Variants in VWA3B observed in about 807,000 individuals in gnomAD.
VWA3B encodes the protein von Willebrand factor A domain-containing protein 3B.
In VWA3B, 138 loss-of-function variants were observed where a neutral mutation model predicts 158.3. That is an observed-to-expected ratio of 0.87 (90% CI 0.76 to 1.00). The LOEUF is 1.00. Ranked by LOEUF, VWA3B falls within the 50% of genes least tolerant of loss-of-function variation. VWA3B has a pLI of 0.00. For missense variants in VWA3B, 1,555 were observed against 1,565.1 expected (o/e 0.99, Z 0.11); for synonymous variants, 596 against 587.3 (o/e 1.01, Z -0.21).
intron 19 of VWA3B, among the ~76,000 whole-genome samples, chr2:98,240,228 T>C (rs544016503): frequency 6.6e-6 from 1 of 152,170 alleles, no homozygotes; most frequent in African/African-American, 2.4e-5. Flanking sequence ...TTAATAAACA[T>C]GAATAAGACA....
chr2:98,326,010 A>C, the VWA3B span, among the ~76,000 whole-genome samples: 1 of 152,260 alleles, frequency 6.6e-6, no homozygotes, highest in Admixed American at 6.5e-5. Flanking sequence ...AGTGAAATTA[A>C]ATGAAAAGCC....
At chr2:98,288,536 A>G (rs1284384765) in intron 22 of VWA3B, among the ~76,000 whole-genome samples, 1 of 152,226 alleles carries the variant, frequency 6.6e-6, no homozygotes, top group African/African-American at 2.4e-5. Context: ...ATTCATTCAT[A>G]TAGAAAATAA....
At chr2:98,229,529 C>T (rs143256666) in intron 15 of VWA3B, among the ~76,000 whole-genome samples, 3 of 152,342 alleles carry the variant, frequency 2.0e-5, no homozygotes, top group African/African-American at 7.2e-5. Flanking sequence ...TGGGATCGCT[C>T]CATTCTCCAG....
At chr2:98,322,110 AT>A in the VWA3B span, among the ~76,000 whole-genome samples, 3 of 152,316 alleles carry the variant, frequency 2.0e-5, no homozygotes, top group South Asian at 6.2e-4. Context: ...CTCCCCAGCC[AT>A]GTGGAACTGT....
chr2:98,322,763 C>T, the VWA3B span, among the ~76,000 whole-genome samples: 1 of 152,070 alleles, frequency 6.6e-6, no homozygotes, highest in Admixed American at 6.5e-5. Flanking sequence ...AAGAGTGAGC[C>T]CTCAAAGCTG....
intron 7 of VWA3B, among the ~76,000 whole-genome samples, chr2:98,153,461 T>C (rs1677802620): frequency 6.6e-6 from 1 of 152,176 alleles, no homozygotes; most frequent in Non-Finnish European, 1.5e-5. Context: ...GAACTAAGAC[T>C]AAATATTATG....
chr2:98,143,020 A>T (rs1039410312), intron 7 of VWA3B, among the ~76,000 whole-genome samples: 1 of 152,194 alleles, frequency 6.6e-6, no homozygotes, highest in African/African-American at 2.4e-5. Flanking sequence ...TAATACGTAT[A>T]TGTTGAGTTA....
intron 22 of VWA3B, among the ~76,000 whole-genome samples, chr2:98,280,391 A>G (rs1357535479): frequency 6.6e-6 from 1 of 152,256 alleles, no homozygotes; most frequent in Non-Finnish European, 1.5e-5. Flanking sequence ...TATTTTCAGC[A>G]AAGCTTTGAG....
Position 98,270,720 on chromosome 2 carries a change from A to T in VWA3B, c.2882A>T (p.Lys961Ile). 6.2e-7 allele frequency: 1 copy of T among 1,614,130 alleles called. No homozygotes were observed. Residue 961 changes from lysine (K) to isoleucine (I), a missense_variant, in exon 22 of 28, where the codon AAA becomes ATA. Physicochemically the swap from Lys to Ile is moderately radical, Grantham distance 102 (BLOSUM62 -3). Coordinates refer to ENST00000477737, the MANE Select transcript of VWA3B (RefSeq NM_144992.5). ...AAACCAATACAGTACTTGGAAAACAAAACAGTTTTAAACCAGGCTTTAGAA... is the reference window on the plus strand; with the variant it reads ...AAACCAATACAGTACTTGGAAAACATAACAGTTTTAAACCAGGCTTTAGAA... Reference protein sequence around the residue: ...ANKPIQYLENKTVLNQALERL... With the variant: ...ANKPIQYLENITVLNQALERL...
At chr2:98,110,038 T>C (rs1674020584) in intron 2 of VWA3B, among the ~76,000 whole-genome samples, 1 of 152,154 alleles carries the variant, frequency 6.6e-6, no homozygotes, top group African/African-American at 2.4e-5. Flanking sequence ...TTTTTTGTTT[T>C]TGCCAAATTT....
At chr2:98,233,085 G>A (rs543816867) in intron 16 of VWA3B, among the ~76,000 whole-genome samples, 68 of 152,328 alleles carry the variant, frequency 4.5e-4, no homozygotes, top group Non-Finnish European at 8.5e-4. Flanking sequence ...CCACTTGTGT[G>A]GCTGCATCCC....
At chr2:98,155,461 C>G (rs1677984986) in intron 7 of VWA3B, among the ~76,000 whole-genome samples, 1 of 152,170 alleles carries the variant, frequency 6.6e-6, no homozygotes, top group African/African-American at 2.4e-5. Context: ...TGAATCCTGA[C>G]CTCACCACTT....
intron 20 of VWA3B, among the ~76,000 whole-genome samples, chr2:98,251,851 G>T (rs1360385666): frequency 6.6e-6 from 1 of 152,148 alleles, no homozygotes; most frequent in Non-Finnish European, 1.5e-5. Flanking sequence ...TCACCCGAGA[G>T]TGGAGGCCGC....
At chr2:98,259,456 T>C (rs1185103459) in intron 21 of VWA3B, among the ~76,000 whole-genome samples, 2 of 151,784 alleles carry the variant, frequency 1.3e-5, no homozygotes, top group African/African-American at 4.8e-5. Flanking sequence ...GTTTATCTAT[T>C]TCTTCTTGAG....
chr2:98,144,635 C>T (rs559526409), intron 7 of VWA3B, among the ~76,000 whole-genome samples: 150 of 151,204 alleles, frequency 9.9e-4, no homozygotes, highest in African/African-American at 3.2e-3. Flanking sequence ...GGTGTGATCT[C>T]GACTCACTGC....
intron 7 of VWA3B, among the ~76,000 whole-genome samples, chr2:98,147,009 G>C (rs559844482): frequency 2.0e-5 from 3 of 152,254 alleles, no homozygotes; most frequent in South Asian, 4.2e-4. Flanking sequence ...AAATAAAATT[G>C]ATAAAGTATC....
chr2:98,187,949 G>T, intron 9 of VWA3B, 26 bp from the exon 10 acceptor site: 3 of 1,571,316 alleles, frequency 1.9e-6, no homozygotes, highest in Non-Finnish European at 2.6e-6. Flanking sequence ...TTTCTGAGTG[G>T]CTTCTGTCCT....
At chr2:98,234,862 TA>T (rs1685574258) in intron 17 of VWA3B, 95 bp downstream of exon 17, 2 of 1,529,930 alleles carry the variant, frequency 1.3e-6, no homozygotes, top group Non-Finnish European at 1.8e-6. Flanking sequence ...GGGGAAATCA[TA>T]TTTTAAATGG....
At chr2:98,199,347 G>T (rs1574059127) in intron 12 of VWA3B, among the ~76,000 whole-genome samples, 1 of 152,148 alleles carries the variant, frequency 6.6e-6, no homozygotes, top group Admixed American at 6.5e-5. Context: ...GTGTGAAAAG[G>T]TGTTGAGAAC....
Sources: gnomAD v4.1 joint callset for allele counts (sites outside exome capture counted in the v4.1 genomes callset) on GRCh38, gnomAD v4.1.1 for gene constraint, MANE v1.5 for transcripts, NCBI Gene and HGNC (gene_info 2026-07-23, HGNC 2026-07-21) for gene names.